Variants in NRG1 observed in about 807,000 individuals in gnomAD.
The protein encoded by NRG1 is neuregulin 1, also known as pro-neuregulin-1, membrane-bound isoform.
NRG1 carries 18 observed loss-of-function variants against 63.8 expected under a neutral mutation model. That is an observed-to-expected ratio of 0.28 (90% CI 0.19 to 0.42). The LOEUF (loss-of-function observed/expected upper bound fraction) is 0.42. Among genes scored for constraint, NRG1 ranks in the 10% least tolerant of loss-of-function variants. The pLI is 1.00. For missense variants in NRG1, 762 were observed against 814.7 expected (o/e 0.94, Z 0.79); for synonymous variants, 302 against 301.3 (o/e 1.00, Z -0.02).
chr8:31,944,042 T>C (rs1585955530), intron 1 of NRG1, among the ~76,000 whole-genome samples: 2 of 152,236 alleles, frequency 1.3e-5, no homozygotes, highest in Admixed American at 1.3e-4. Flanking sequence ...GTAATTAACA[T>C]TGATTTCTTT....
intron 1 of NRG1, among the ~76,000 whole-genome samples, chr8:32,198,083 A>G (rs368280172): frequency 3.9e-5 from 6 of 152,344 alleles, no homozygotes; most frequent in African/African-American, 1.2e-4. Flanking sequence ...TAGTTGAACA[A>G]CAACAATGCT....
intron 1 of NRG1, among the ~76,000 whole-genome samples, chr8:32,315,512 TATTGTGA>T (rs1857286953): frequency 6.6e-6 from 1 of 152,236 alleles, no homozygotes; most frequent in Admixed American, 6.5e-5. Flanking sequence ...ATGTCTTTGC[TATTGTGA>T]ATAGTGCTGC....
intron 1 of NRG1, among the ~76,000 whole-genome samples, chr8:31,676,842 A>T (rs1487418321): frequency 6.6e-6 from 1 of 152,196 alleles, no homozygotes; most frequent in Non-Finnish European, 1.5e-5. Flanking sequence ...TGTGGAATAA[A>T]ATATGAATTA....
intron 1 of NRG1, among the ~76,000 whole-genome samples, chr8:31,875,568 G>A (rs772819539): frequency 1.3e-5 from 2 of 152,152 alleles, no homozygotes; most frequent in Non-Finnish European, 2.9e-5. Context: ...CATCGAGGTG[G>A]CGGGCGATGC....
At chr8:32,239,268 G>A (rs933660361) in intron 1 of NRG1, among the ~76,000 whole-genome samples, 4 of 95,648 alleles carry the variant, frequency 4.2e-5, no homozygotes, top group Admixed American at 2.7e-4. Flanking sequence ...ATGGAGGAAA[G>A]ATGAGCTTTA....
intron 1 of NRG1, among the ~76,000 whole-genome samples, chr8:31,764,983 T>C (rs900432002): frequency 1.3e-5 from 2 of 149,280 alleles, no homozygotes; most frequent in Non-Finnish European, 3.0e-5. Context: ...AGTGAGAATA[T>C]GCGGTGTTTG....
At chr8:32,614,751 G>A (rs1051861865) in intron 4 of NRG1, among the ~76,000 whole-genome samples, 187 bp downstream of exon 4, 4 of 152,050 alleles carry the variant, frequency 2.6e-5, no homozygotes, top group African/African-American at 7.2e-5. Context: ...GGTTCTTGCT[G>A]TGTCTTCAAA....
chr8:32,460,198 A>G (rs992700742), intron 1 of NRG1, among the ~76,000 whole-genome samples: 3 of 152,208 alleles, frequency 2.0e-5, no homozygotes, highest in African/African-American at 7.2e-5. Flanking sequence ...AAATTGTTAG[A>G]AGACACCATC....
intron 1 of NRG1, among the ~76,000 whole-genome samples, chr8:32,371,285 A>T (rs1030253113): frequency 6.6e-5 from 10 of 152,222 alleles, no homozygotes; most frequent in African/African-American, 2.4e-4. Context: ...GAATTGTTCA[A>T]GCCAAGTTCT....
intron 5 of NRG1, among the ~76,000 whole-genome samples, chr8:32,685,769 GC>G (rs2128925277): frequency 6.6e-6 from 1 of 152,324 alleles, no homozygotes; most frequent in African/African-American, 2.4e-5. Flanking sequence ...AGTGGTGCAT[GC>G]AGAAGGCTTC....
chr8:32,680,889 C>G (rs1417280040), intron 5 of NRG1, among the ~76,000 whole-genome samples: 1 of 151,710 alleles, frequency 6.6e-6, no homozygotes, highest in African/African-American at 2.4e-5. Context: ...TTTTTTTTTA[C>G]TCTTCAAAGT....
rs532926226 is a variant in NRG1, at chr8:32,324,238, A to G, written c.38-271590A>G. ...GTGGTTTATGGATGGGAAAACTCAA[A>G]CAGTCTGCTCTTAGATGGTCCTTAT... is the stretch of plus-strand genomic sequence containing the variant. On this transcript the variant is annotated intron_variant, in intron 1 of 10. Transcript: ENST00000519301. Among the ~76,000 whole-genome samples the G allele has an allele frequency of 3.5e-4, 53 of 152,292 alleles. 1 individual carries two copies. Among genetic ancestry groups the G allele is most frequent in the African/African-American group, 1.2e-3 (48 of 41,576 alleles).
chr8:32,286,654 C>T (rs1853555241), intron 1 of NRG1, among the ~76,000 whole-genome samples: 1 of 152,170 alleles, frequency 6.6e-6, no homozygotes. Flanking sequence ...TCTCTTTCTT[C>T]CTTTCTGTCT....
rs145396284 is a variant in NRG1, at chr8:32,015,315, A to G, written c.37+375884A>G. Among the ~76,000 whole-genome samples, 1,136 of 152,338 alleles carry G rather than the reference A, an allele frequency of 7.5e-3. 18 individuals carry two copies. Among genetic ancestry groups the G allele is most frequent in the African/African-American group, 0.026 (1,082 of 41,582 alleles). Reference sequence around the variant, plus strand: ...AACAGAAACATCGTAACAGGAAAAAATAAGAAAGTCCATTAGATGCAGTTG... The same window carrying G: ...AACAGAAACATCGTAACAGGAAAAAGTAAGAAAGTCCATTAGATGCAGTTG... On this transcript the variant is annotated intron_variant, in intron 1 of 10. Transcript: ENST00000519301.
At chr8:31,725,457 T>C (rs1448692010) in intron 1 of NRG1, among the ~76,000 whole-genome samples, 6 of 21,978 alleles carry the variant, frequency 2.7e-4, no homozygotes. Context: ...ACTGAATTGA[T>C]ACAGATAGAT....
chr8:32,324,652 A>T (rs1399921546), intron 1 of NRG1, among the ~76,000 whole-genome samples: 1 of 152,208 alleles, frequency 6.6e-6, no homozygotes, highest in Non-Finnish European at 1.5e-5. Context: ...CACTCTGAGG[A>T]TTCTGCACTG....
At chr8:32,234,467 C>T (rs539783016) in intron 1 of NRG1, among the ~76,000 whole-genome samples, 2 of 152,218 alleles carry the variant, frequency 1.3e-5, no homozygotes, top group East Asian at 3.9e-4. Context: ...AAAACTGAGC[C>T]TCCCATAAGC....
rs1318660439 is a variant in NRG1, at chr8:32,558,898, A to T, written c.100+10072A>T. Among the ~76,000 whole-genome samples the T allele has an allele frequency of 2.6e-5, 4 of 151,940 alleles. No homozygotes were observed. In the East Asian group the frequency reaches 5.8e-4, roughly 22 times the overall value. On this transcript the variant is annotated intron_variant, in intron 1 of 11. Coordinates refer to ENST00000356819, the Ensembl canonical transcript of NRG1. ...GATTCAAGACCAGCCTGGGCAACACAGGAGTCCTCATCTCTACTAAAAATC... is the reference window on the plus strand; with the variant it reads ...GATTCAAGACCAGCCTGGGCAACACTGGAGTCCTCATCTCTACTAAAAATC...
At chr8:32,761,894 C>T (rs1830742816) in intron 11 of NRG1, among the ~76,000 whole-genome samples, 1 of 151,754 alleles carries the variant, frequency 6.6e-6, no homozygotes, top group African/African-American at 2.4e-5. Context: ...CAAAAATTAG[C>T]TGGGTATGGT....
Sources: gnomAD v4.1 joint callset for allele counts (sites outside exome capture counted in the v4.1 genomes callset) on GRCh38, gnomAD v4.1.1 for gene constraint, MANE v1.5 for transcripts, NCBI Gene and HGNC (gene_info 2026-07-23, HGNC 2026-07-21) for gene names.